The following POLR3A variants were observed in gnomAD, a reference collection of about 807,000 sequenced individuals.
The protein encoded by POLR3A is DNA-directed RNA polymerase III subunit RPC1.
A neutral mutation model predicts 152.8 loss-of-function variants in POLR3A; 112 were observed. The ratio of observed to expected loss-of-function variants is 0.73; its 90% CI spans 0.63 to 0.86. The LOEUF is 0.86. Among genes scored for constraint, POLR3A ranks in the 40% least tolerant of loss-of-function variants. The probability of loss-of-function intolerance (pLI) is 0.00; values close to 1 mark genes in which losing one functional copy is unlikely to be tolerated. For missense variants in POLR3A, 1,385 were observed against 1,743.1 expected, an observed-to-expected ratio of 0.79 and a Z score of 3.66; for synonymous variants, 615 against 652.1, an observed-to-expected ratio of 0.94 and a Z score of 0.87.
At chr10:77,978,506 C>T (rs1182925596) in intron 30 of POLR3A, among the ~76,000 whole-genome samples, 2 of 152,088 alleles carry the variant, frequency 1.3e-5, no homozygotes, top group African/African-American at 2.4e-5. Flanking sequence ...GCGGCAAAGG[C>T]CCGGTTTCCA....
rs760061298 is a variant in POLR3A at position 77,975,871 on chromosome 10, C to T, written c.*1607G>A. On this transcript the variant is annotated 3_prime_UTR_variant, in exon 31 of 31. Coordinates refer to ENST00000372371, the MANE Select transcript of POLR3A (RefSeq NM_007055.4). ...CCCCTTTATGGCTCTTCCCAGGTTA[C>T]ATGAGAACTGGTGATCTCGGTGGGG... 6.6e-6 allele frequency: 1 copy of T among 151,992 alleles called. No individual in the cohort carries two copies. The highest frequency in any genetic ancestry group is 1.5e-5 in the Non-Finnish European group (1 of 68,026). The allele number at this position is 151,992 out of a possible 1,614,324, so 9.4% of individuals were successfully genotyped here.
chr10:77,998,429 T>A (rs1337659973), intron 19 of POLR3A, among the ~76,000 whole-genome samples: 1 of 152,094 alleles, frequency 6.6e-6, no homozygotes, highest in African/African-American at 2.4e-5. Context: ...ACATCCAGAA[T>A]CTACAATGAA....
Position 78,018,140 on chromosome 10 carries a change from C to T in POLR3A, c.1290-424G>A, listed in dbSNP as rs114840046. 5.0e-3 allele frequency among the ~76,000 whole-genome samples: 745 copies of T among 148,024 alleles called. 5 individuals carry two copies. The highest frequency in any genetic ancestry group is 0.015 in the African/African-American group (600 of 40,042). On this transcript the variant is annotated intron_variant, in intron 9 of 30. Coordinates refer to ENST00000372371, the MANE Select transcript of POLR3A (RefSeq NM_007055.4). The stretch of plus-strand genomic sequence containing the variant: ...GCAGTGAGCCATGATTGTGCCATTG[C>T]GCTCCAGCCTGAGTGACAGACTGAG...
chr10:78,004,852 G>C lies in POLR3A; in HGVS notation c.2111C>G (p.Thr704Arg). 1 of 1,614,114 alleles carries C rather than the reference G, an allele frequency of 6.2e-7. No individual in the cohort carries two copies. The highest frequency in any genetic ancestry group is 2.2e-5 in the East Asian group (1 of 44,878). Residue 704 changes from threonine to arginine, a missense_variant, in exon 16 of 31, where the codon ACA becomes AGA. Thr to Arg is a moderately conservative substitution (Grantham distance 71). Transcript: ENST00000372371. ...GGCCTTCAGCAGTCCTTGGCCAGGT[G>C]TGACATCACCGATCCCAATTGAGAA... ...RGFSIGIGDV[T>R]PGQGLLKAKY...
intron 10 of POLR3A, among the ~76,000 whole-genome samples, chr10:78,014,085 A>G (rs1245897980): frequency 1.3e-5 from 2 of 150,496 alleles, no homozygotes; most frequent in Admixed American, 1.3e-4. Context: ...TGAACCCAGG[A>G]GGTGGAGGTT....
intron 21 of POLR3A, among the ~76,000 whole-genome samples, chr10:77,989,379 C>T (rs754452846): frequency 2.4e-4 from 36 of 152,202 alleles, no homozygotes; most frequent in Non-Finnish European, 3.4e-4. Context: ...GAACATTTCA[C>T]GGGCTCAGAC....
Position 77,980,289 on chromosome 10 carries a change from A to G in POLR3A, c.3892-16T>C. On this transcript the variant is annotated splice_polypyrimidine_tract_variant and intron_variant, in intron 29 of 30. Transcript: ENST00000372371. ...GGACTTCACCCTGCGTCAAGGGAGA[A>G]AGAGTCACGGTGGTACTCACACCAA... 6.2e-7 allele frequency: 1 copy of G among 1,613,880 alleles called. No homozygotes were observed. Among genetic ancestry groups the G allele is most frequent in the Non-Finnish European group, 8.5e-7 (1 of 1,179,828 alleles).
At position 78,007,036 on chromosome 10, in the gene POLR3A, AC is replaced by A. The variant is rs1847418260; in HGVS notation, c.2074+665del. Among the ~76,000 whole-genome samples, 4 of 152,288 alleles carry A rather than the reference AC, an allele frequency of 2.6e-5. No individual in the cohort carries two copies. The South Asian group carries it at 8.3e-4, about 32-fold the overall frequency. On this transcript the variant is annotated intron_variant, in intron 15 of 30. Transcript: ENST00000372371. ...GCGTGAGCCAAGATCACACCACTGC[AC>A]TACAGCCTGGGTGACAGAGCAAGAC...
chr10:78,015,676 T>C (rs1261662455), intron 10 of POLR3A, among the ~76,000 whole-genome samples: 2 of 152,148 alleles, frequency 1.3e-5, no homozygotes, highest in African/African-American at 4.8e-5. Flanking sequence ...AGACAGGGTC[T>C]CATTACGTTG....
chr10:78,029,263 T>C (rs1847666875), intron 1 of POLR3A, 101 bp downstream of exon 1: 1 of 1,197,460 alleles, frequency 8.4e-7, no homozygotes, highest in South Asian at 1.2e-5. Context: ...GCCCTCCCCT[T>C]CCCATTGCAC....
intron 23 of POLR3A, among the ~76,000 whole-genome samples, chr10:77,985,695 C>G (rs557287851): frequency 3.0e-4 from 46 of 152,346 alleles, no homozygotes; most frequent in African/African-American, 1.1e-3. Context: ...GGAGAAGACA[C>G]TAAGAAATTT....
At chr10:78,013,521 G>A in intron 11 of POLR3A, 129 bp downstream of exon 11, 1 of 889,608 alleles carries the variant, frequency 1.1e-6, no homozygotes, top group Admixed American at 1.8e-5. Flanking sequence ...GCAGTTAGTG[G>A]TCGGTTTAAG....
rs1203574170 is a variant in POLR3A, at chr10:78,002,902, C to T, written c.2248-594G>A. 2.6e-5 allele frequency among the ~76,000 whole-genome samples: 4 copies of T among 152,324 alleles called. No homozygotes were observed. The South Asian group carries it at 8.3e-4, about 32-fold the overall frequency. ...GTATGGCTTTGTGTATACTACCCTA[C>T]ACAACAAAATATCTGTATATAAATA... On this transcript the variant is annotated intron_variant, in intron 16 of 30. Coordinates refer to ENST00000372371, the MANE Select transcript of POLR3A (RefSeq NM_007055.4).
Position 78,009,542 on chromosome 10 carries a change from T to C in POLR3A, c.1904A>G (p.Asp635Gly). 1 of 1,614,204 alleles carries C rather than the reference T, an allele frequency of 6.2e-7. No individual in the cohort carries two copies. Among genetic ancestry groups the C allele is most frequent in the Non-Finnish European group, 8.5e-7 (1 of 1,180,048 alleles). ...CCCGAGTTCCGTCCACTCACAGGAA[T>C]CATTGGCACAGAGATCTTCCCCTTT... Reference protein sequence around the residue: ...CGKGEDLCANDSYVTIQNSEL... With the variant: ...CGKGEDLCANGSYVTIQNSEL... The change falls in exon 14 of 31, where the codon GAT becomes GGT. Residue 635 changes from aspartate (D) to glycine (G), a missense_variant. Transcript: ENST00000372371.
At chr10:77,979,215 A>G (rs150260581) in intron 30 of POLR3A, among the ~76,000 whole-genome samples, 4 of 152,320 alleles carry the variant, frequency 2.6e-5, no homozygotes, top group African/African-American at 9.6e-5. Context: ...AAAAATGGGT[A>G]TATACTCTAA....
intron 16 of POLR3A, among the ~76,000 whole-genome samples, chr10:78,003,904 G>A (rs937069181): frequency 5.3e-5 from 8 of 152,082 alleles, no homozygotes; most frequent in African/African-American, 1.9e-4. Flanking sequence ...ACTCCAGCCT[G>A]GGCGACAAAG....
At chr10:77,999,808 CA>C (rs1847338419) in intron 19 of POLR3A, among the ~76,000 whole-genome samples, 172 bp downstream of exon 19, 1 of 152,184 alleles carries the variant, frequency 6.6e-6, no homozygotes, top group Admixed American at 6.5e-5. Context: ...GAACATACTA[CA>C]TTTTTTTTGG....
chr10:77,991,191 AT>A lies in POLR3A; in HGVS notation c.2788-25del, dbSNP rs770262744. 8.0e-6 allele frequency: 11 copies of A among 1,369,342 alleles called. No individual in the cohort carries two copies. In the Admixed American group the frequency reaches 1.2e-4, roughly 15 times the overall value. The allele number at this position is 1,369,342 out of a possible 1,614,324, so 84.8% of individuals were successfully genotyped here. ...GCCTTGAGTATTAAAAGAAAATTGC[AT>A]TATGTGTGGGTGCCACAGAGAGCAG... On this transcript the variant is annotated intron_variant, in intron 20 of 30. Coordinates refer to ENST00000372371, the MANE Select transcript of POLR3A (RefSeq NM_007055.4).
chr10:77,978,048 G>C (rs1284254774), intron 30 of POLR3A, among the ~76,000 whole-genome samples: 1 of 152,244 alleles, frequency 6.6e-6, no homozygotes, highest in Non-Finnish European at 1.5e-5. Flanking sequence ...TGGGACAGTA[G>C]TGAGCAGAAT....
Sources: allele counts gnomAD v4.1 joint callset (sites outside exome capture counted in the v4.1 genomes callset), GRCh38; gene constraint gnomAD v4.1.1; transcripts MANE v1.5; gene names NCBI Gene and HGNC (gene_info 2026-07-23, HGNC 2026-07-21).